The following LMO3 variants were observed in gnomAD, a reference collection of about 807,000 sequenced individuals.
The protein encoded by LMO3 is LIM domain only 3, also known as LIM domain only protein 3.
Under a neutral mutation model 15.8 loss-of-function variants are expected in LMO3, and 2 were observed. The observed-to-expected ratio is 0.13, with a 90% confidence interval of 0.05 to 0.40. LMO3 has a LOEUF of 0.40. Ranked by LOEUF, LMO3 falls within the 10% of genes least tolerant of loss-of-function variation. The pLI is 0.99. For missense variants in LMO3, 86 were observed against 182.2 expected, an observed-to-expected ratio of 0.47 and a Z score of 3.04; for synonymous variants, 62 against 63.8, an observed-to-expected ratio of 0.97 and a Z score of 0.13.
chr12:16,570,724 A>T (rs1477610242), intron 2 of LMO3, among the ~76,000 whole-genome samples: 1 of 152,170 alleles, frequency 6.6e-6, no homozygotes, highest in Non-Finnish European at 1.5e-5. Context: ...ACTTGTTCTG[A>T]TGTAAAGGAT....
At position 16,604,308 on chromosome 12, in the gene LMO3, T is replaced by C. The variant is rs954838241; in HGVS notation, c.-9+1758A>G. 2.6e-5 allele frequency among the ~76,000 whole-genome samples: 4 copies of C among 152,096 alleles called. No homozygotes were observed. The highest frequency in any genetic ancestry group is 4.4e-5 in the Non-Finnish European group (3 of 68,018). Reference sequence around the variant, plus strand: ...CCAGATCTCAGGCACTGGAGCTGCTTAACTCTGTTCTGCCCCTTCAACTCC... The same window carrying C: ...CCAGATCTCAGGCACTGGAGCTGCTCAACTCTGTTCTGCCCCTTCAACTCC... On this transcript the variant is annotated intron_variant, in intron 1 of 3. Transcript: ENST00000537304. This position sits in a 1 kb window ranked among gnomAD's most constrained non-coding sequence, Gnocchi z 5.3.
chr12:16,589,806 A>G lies in LMO3; in HGVS notation c.206+10849T>C, dbSNP rs181654085. ...AATCTGGACAAGAAAAGCATCTGCC[A>G]GGAAGAACAGAGGGGGACTGTTAGA... On this transcript the variant is annotated intron_variant, in intron 2 of 3. Transcript: ENST00000537304. The surrounding 1 kb of genome is among the most constrained non-coding windows in gnomAD (Gnocchi z 4.2). Among the ~76,000 whole-genome samples, 34 of 152,262 alleles carry G rather than the reference A, an allele frequency of 2.2e-4. No homozygotes were observed. The highest frequency in any genetic ancestry group is 7.9e-4 in the African/African-American group (33 of 41,548).
intron 2 of LMO3, among the ~76,000 whole-genome samples, chr12:16,579,632 G>A (rs1054178494): frequency 6.6e-6 from 1 of 152,172 alleles, no homozygotes; most frequent in African/African-American, 2.4e-5. Context: ...TTTAGTTGAA[G>A]TCTTACTCAG....
chr12:16,568,484 C>T (rs1942695865), intron 2 of LMO3, among the ~76,000 whole-genome samples: 1 of 152,128 alleles, frequency 6.6e-6, no homozygotes, highest in South Asian at 2.1e-4. Flanking sequence ...CTGTGCTGAC[C>T]AGCATTTTAG....
chr12:16,588,338 A>G (rs764190932), intron 2 of LMO3, among the ~76,000 whole-genome samples: 1 of 152,062 alleles, frequency 6.6e-6, no homozygotes, highest in Non-Finnish European at 1.5e-5. Flanking sequence ...GTGAAAAATA[A>G]TGTGAGTAAA....
At chr12:16,588,323 A>G (rs1337606688) in intron 2 of LMO3, among the ~76,000 whole-genome samples, 3 of 152,050 alleles carry the variant, frequency 2.0e-5, no homozygotes, top group East Asian at 3.8e-4. Context: ...TGTTTAAAGA[A>G]CACTGTGAAA....
At chr12:16,583,435 A>G (rs1943227995) in intron 2 of LMO3, among the ~76,000 whole-genome samples, 1 of 152,206 alleles carries the variant, frequency 6.6e-6, no homozygotes, top group Non-Finnish European at 1.5e-5. Context: ...AAGTAATTGT[A>G]GAAAAGAAGA....
intron 3 of LMO3, among the ~76,000 whole-genome samples, chr12:16,554,793 A>G (rs1942127059): frequency 6.6e-6 from 1 of 152,110 alleles, no homozygotes; most frequent in African/African-American, 2.4e-5. Context: ...AGTAGCTCTG[A>G]CTACAGGCGC....
chr12:16,568,076 A>G (rs1472022098), intron 2 of LMO3, among the ~76,000 whole-genome samples: 2 of 152,204 alleles, frequency 1.3e-5, no homozygotes, highest in African/African-American at 4.8e-5. Context: ...CAACAATAGA[A>G]AATAAAAAGG....
chr12:16,577,586 T>C (rs574163336), intron 2 of LMO3, among the ~76,000 whole-genome samples: 1 of 152,294 alleles, frequency 6.6e-6, no homozygotes, highest in South Asian at 2.1e-4. Context: ...GAATTTCCCC[T>C]GTTCACAAAA....
chr12:16,569,111 C>T (rs1244444611), intron 2 of LMO3, among the ~76,000 whole-genome samples: 1 of 152,124 alleles, frequency 6.6e-6, no homozygotes, highest in African/African-American at 2.4e-5. Flanking sequence ...ATGAAGACAG[C>T]AACAACAATA....
chr12:16,599,881 C>T lies in LMO3; in HGVS notation c.206+774G>A, dbSNP rs1457339552. On this transcript the variant is annotated intron_variant, in intron 2 of 3. Coordinates refer to ENST00000537304, the MANE Select transcript of LMO3 (RefSeq NM_018640.5). This position sits in a 1 kb window ranked among gnomAD's most constrained non-coding sequence, Gnocchi z 4.1. ...CAGGTTGGAGAGTGGCTGTCATTTT[C>T]CTATAATGATGGAGGTCTTTACTTT... The T allele has an allele frequency of 6.6e-6, 1 of 152,138 alleles. No individual in the cohort carries two copies. The highest frequency in any genetic ancestry group is 1.5e-5 in the Non-Finnish European group (1 of 68,034). The allele number at this position is 152,138 out of a possible 1,614,324, so 9.4% of individuals were successfully genotyped here. A position where few individuals can be genotyped will look rare whatever the true frequency, so the allele number is the denominator to read the frequency against.
At chr12:16,573,663 T>A (rs1024164159) in intron 2 of LMO3, 1 of 152,158 alleles carries the variant, frequency 6.6e-6, no homozygotes, top group Non-Finnish European at 1.5e-5. Flanking sequence ...TCTCTGAGGC[T>A]CCCTTCCTGC....
rs1166941700 is a variant in LMO3, at chr12:16,582,715, C to T, written c.206+17940G>A. ...CACCGTTCCTAGGTACGGTCCCTCA[C>T]TCTTTTAAGTATCTGATTGGGATGA... is the stretch of plus-strand genomic sequence containing the variant. On this transcript the variant is annotated intron_variant, in intron 2 of 3. Coordinates refer to ENST00000537304, the MANE Select transcript of LMO3 (RefSeq NM_018640.5). The surrounding 1 kb of genome is among the most constrained non-coding windows in gnomAD (Gnocchi z 4.1). 1.3e-5 allele frequency among the ~76,000 whole-genome samples: 2 copies of T among 152,118 alleles called. No homozygotes were observed. The highest frequency in any genetic ancestry group is 4.8e-5 in the African/African-American group (2 of 41,430).
chr12:16,562,064 AAAT>A (rs1942426891), intron 2 of LMO3, among the ~76,000 whole-genome samples: 1 of 152,206 alleles, frequency 6.6e-6, no homozygotes, highest in Non-Finnish European at 1.5e-5. Flanking sequence ...GTATTTTGAT[AAAT>A]AATATTTATT....
intron 2 of LMO3, among the ~76,000 whole-genome samples, chr12:16,581,303 C>G (rs1054780362): frequency 6.6e-6 from 1 of 152,092 alleles, no homozygotes; most frequent in Non-Finnish European, 1.5e-5. Flanking sequence ...ATCACTTGCA[C>G]CTTGGGAACT....
At chr12:16,607,374 T>C (rs1023615407), upstream of LMO3, 4 of 152,156 alleles carry the variant, frequency 2.6e-5, no homozygotes, top group Non-Finnish European at 4.4e-5. Context: ...CAAAGAACCA[T>C]AGTTTCTGCA....
chr12:16,571,290 T>C (rs182134618), intron 2 of LMO3, among the ~76,000 whole-genome samples: 1 of 152,226 alleles, frequency 6.6e-6, no homozygotes, highest in East Asian at 1.9e-4. Flanking sequence ...TATTTTATTG[T>C]ACTGAATTTC....
At position 16,576,578 on chromosome 12, in the gene LMO3, C is replaced by CAGTT. The variant is rs1491203821; in HGVS notation, c.207-16044_207-16041dup. On this transcript the variant is annotated intron_variant, in intron 2 of 3. Coordinates refer to ENST00000537304, the MANE Select transcript of LMO3 (RefSeq NM_018640.5). This position sits in a 1 kb window ranked among gnomAD's most constrained non-coding sequence, Gnocchi z 4.1. ...CTACTTCATCTTTCAGAATCTGTAT[C>CAGTT]AGTTACGTACCTGTTTGTCTCTTTC... 6.6e-6 allele frequency among the ~76,000 whole-genome samples: 1 copy of CAGTT among 152,184 alleles called. No individual in the cohort carries two copies. The highest frequency in any genetic ancestry group is 2.4e-5 in the African/African-American group (1 of 41,440).
Sources: allele counts gnomAD v4.1 joint callset (sites outside exome capture counted in the v4.1 genomes callset), GRCh38; gene constraint gnomAD v4.1.1; non-coding constraint Gnocchi (gnomAD v3.1); transcripts MANE v1.5; gene names NCBI Gene and HGNC (gene_info 2026-07-23, HGNC 2026-07-21).